The following FSTL4 variants were observed in gnomAD, a reference collection of about 807,000 sequenced individuals.
FSTL4 encodes follistatin-related protein 4.
Under a neutral mutation model 78.2 loss-of-function variants are expected in FSTL4, and 28 were observed. That is an observed-to-expected ratio of 0.36 (90% CI 0.27 to 0.49). The LOEUF (loss-of-function observed/expected upper bound fraction) is 0.49. FSTL4 is among the 20% of genes least tolerant of loss of function. The pLI is 0.98. For synonymous variants in FSTL4, 422 were observed against 440.5 expected (o/e 0.96, Z 0.53); for missense variants, 922 against 1,084.9 (o/e 0.85, Z 2.11).
chr5:133,681,572 G>GA, the FSTL4 span, among the ~76,000 whole-genome samples: 68 of 148,290 alleles, frequency 4.6e-4, no homozygotes, highest in Middle Eastern at 3.4e-3. Context: ...TGAGGAAAAA[G>GA]AAAAAAAAAA....
chr5:133,521,669 C>A lies in FSTL4; in HGVS notation c.160+45517G>T, dbSNP rs561925439. ...ATTATTTCCTTTTCTATTTTATTGCCCATTATCCTATCAACTCTTTCTAAA... is the reference window on the plus strand; with the variant it reads ...ATTATTTCCTTTTCTATTTTATTGCACATTATCCTATCAACTCTTTCTAAA... On this transcript the variant is annotated intron_variant, in intron 3 of 15. Coordinates refer to ENST00000265342, the MANE Select transcript of FSTL4 (RefSeq NM_015082.2). Among the ~76,000 whole-genome samples the A allele has an allele frequency of 1.4e-4, 21 of 152,146 alleles. No individual in the cohort carries two copies. In the East Asian group the frequency reaches 4.1e-3, roughly 29 times the overall value.
At chr5:133,562,080 G>A (rs1759926255) in intron 3 of FSTL4, among the ~76,000 whole-genome samples, 1 of 152,168 alleles carries the variant, frequency 6.6e-6, no homozygotes, top group Admixed American at 6.5e-5. Context: ...ATGGGGGAAG[G>A]AAAAGCCATC....
the FSTL4 span, among the ~76,000 whole-genome samples, chr5:133,803,972 AG>A: frequency 6.6e-6 from 1 of 152,352 alleles, no homozygotes; most frequent in Admixed American, 6.5e-5. Flanking sequence ...AATGGCCTCC[AG>A]GTTTCCTCTG....
chr5:133,601,500 G>A (rs2112977391), intron 2 of FSTL4, among the ~76,000 whole-genome samples: 1 of 152,292 alleles, frequency 6.6e-6, no homozygotes, highest in Non-Finnish European at 1.5e-5. Flanking sequence ...AGAGTCAGGT[G>A]TAGAAAGCAA....
the FSTL4 span, among the ~76,000 whole-genome samples, chr5:133,620,704 T>A: frequency 2.0e-5 from 3 of 152,188 alleles, no homozygotes; most frequent in Non-Finnish European, 2.9e-5. Flanking sequence ...GAATCATCAG[T>A]GTCCTCATCT....
the FSTL4 span, among the ~76,000 whole-genome samples, chr5:133,755,829 C>G: frequency 4.3e-3 from 649 of 152,352 alleles, 7 homozygotes; most frequent in Admixed American, 0.019. Flanking sequence ...AACTGTCTCT[C>G]TTCATCAAAC....
intron 3 of FSTL4, among the ~76,000 whole-genome samples, chr5:133,557,808 A>G (rs759498027): frequency 6.6e-6 from 1 of 152,206 alleles, no homozygotes; most frequent in African/African-American, 2.4e-5. Context: ...ATCCAATTAC[A>G]TAAGCCATAA....
At chr5:133,626,729 C>A in the FSTL4 span, among the ~76,000 whole-genome samples, 1 of 151,786 alleles carries the variant, frequency 6.6e-6, no homozygotes, top group Non-Finnish European at 1.5e-5. Context: ...TAGTTTTGTT[C>A]CTTTGTGGAT....
intron 3 of FSTL4, among the ~76,000 whole-genome samples, chr5:133,524,575 CAG>C (rs1759051325): frequency 6.6e-6 from 1 of 152,204 alleles, no homozygotes; most frequent in Non-Finnish European, 1.5e-5. Context: ...CTGCTGTAGA[CAG>C]GGGCACCACA....
the FSTL4 span, among the ~76,000 whole-genome samples, chr5:133,651,642 TA>T: frequency 2.0e-5 from 3 of 149,390 alleles, no homozygotes; most frequent in African/African-American, 7.3e-5. Flanking sequence ...TTGATTTGCT[TA>T]TTTTTTTTTT....
At chr5:133,610,546 G>C (rs138430373) in intron 1 of FSTL4, among the ~76,000 whole-genome samples, 7 of 152,338 alleles carry the variant, frequency 4.6e-5, no homozygotes, top group Admixed American at 4.6e-4. Context: ...GCTAAGATGG[G>C]AAGCAGACAC....
At chr5:133,705,044 A>G in the FSTL4 span, among the ~76,000 whole-genome samples, 1 of 152,178 alleles carries the variant, frequency 6.6e-6, no homozygotes, top group African/African-American at 2.4e-5. Flanking sequence ...TGTGAAAGTT[A>G]GTGGAATATA....
chr5:133,478,606 T>C (rs1470469208), intron 3 of FSTL4, among the ~76,000 whole-genome samples: 2 of 152,250 alleles, frequency 1.3e-5, no homozygotes, highest in Non-Finnish European at 2.9e-5. Flanking sequence ...GTGTAGTTTA[T>C]CATCTGCCTG....
At chr5:133,774,682 A>G in the FSTL4 span, among the ~76,000 whole-genome samples, 3 of 152,222 alleles carry the variant, frequency 2.0e-5, no homozygotes, top group South Asian at 2.1e-4. Context: ...CCGGGATGGC[A>G]GTATACCTTT....
chr5:133,297,999 A>C (rs1260297673), intron 6 of FSTL4, among the ~76,000 whole-genome samples: 1 of 152,202 alleles, frequency 6.6e-6, no homozygotes, highest in African/African-American at 2.4e-5. Context: ...CTGGTGACCA[A>C]GATTGTCTAG....
intron 3 of FSTL4, among the ~76,000 whole-genome samples, chr5:133,484,786 G>A (rs894815046): frequency 6.6e-6 from 1 of 152,216 alleles, no homozygotes; most frequent in Non-Finnish European, 1.5e-5. Flanking sequence ...ATGTCAGTGT[G>A]AGGGCTTCAT....
chr5:133,228,972 A>G (rs1007995637), intron 8 of FSTL4, among the ~76,000 whole-genome samples: 7 of 152,234 alleles, frequency 4.6e-5, no homozygotes, highest in Non-Finnish European at 1.0e-4. Context: ...TAATGCACCA[A>G]TAAAGTTATA....
chr5:133,776,553 A>G, the FSTL4 span, among the ~76,000 whole-genome samples: 1 of 152,040 alleles, frequency 6.6e-6, no homozygotes, highest in African/African-American at 2.4e-5. Flanking sequence ...TGGGTTTTCT[A>G]TCTTTTTTCC....
chr5:133,305,202 C>A (rs566599446), intron 6 of FSTL4, among the ~76,000 whole-genome samples: 2 of 152,232 alleles, frequency 1.3e-5, no homozygotes, highest in African/African-American at 4.8e-5. Flanking sequence ...CCCTCTCCAG[C>A]GGCTTGCAGG....
Sources: gnomAD v4.1 joint callset for allele counts (sites outside exome capture counted in the v4.1 genomes callset) on GRCh38, gnomAD v4.1.1 for gene constraint, MANE v1.5 for transcripts, NCBI Gene and HGNC (gene_info 2026-07-23, HGNC 2026-07-21) for gene names.